Variants in FREM2 observed in about 807,000 individuals in gnomAD.
The protein encoded by FREM2 is FRAS1 related extracellular matrix 2, also known as FRAS1-related extracellular matrix protein 2.
A neutral mutation model predicts 219.9 loss-of-function variants in FREM2; 119 were observed. The ratio of observed to expected loss-of-function variants is 0.54; its 90% CI spans 0.47 to 0.63. The LOEUF is 0.63. Ranked by LOEUF, FREM2 falls within the 30% of genes least tolerant of loss-of-function variation. The pLI is 0.00. For synonymous variants in FREM2, 1,562 were observed against 1,522.8 expected (o/e 1.03, Z -0.60); for missense variants, 4,030 against 3,993.6 (o/e 1.01, Z -0.25).
intron 2 of FREM2, among the ~76,000 whole-genome samples, chr13:38,730,528 G>T (rs1871721985): frequency 1.3e-5 from 2 of 152,202 alleles, no homozygotes; most frequent in Admixed American, 1.3e-4. Context: ...AGGAAGGAAT[G>T]TTGGATTGCT....
chr13:38,764,368 A>G lies in FREM2; in HGVS notation c.5328A>G (p.Glu1776=), dbSNP rs768362891. The stretch of plus-strand genomic sequence containing the variant: ...GGGCATGGATCTCCTTTGAAAAGGA[A>G]TATTACCTGGTCAATGAGGACTCCA... The part of the protein sequence containing the change: ...LNWAWISFEK[E]YYLVNEDSKF... The change falls in exon 3 of 24, where the codon GAA becomes GAG. Residue 1776 remains glutamate, a synonymous_variant. Coordinates refer to ENST00000280481, the MANE Select transcript of FREM2 (RefSeq NM_207361.6). 86 of 1,606,900 alleles carry G rather than the reference A, an allele frequency of 5.4e-5. No individual in the cohort carries two copies. Among genetic ancestry groups the G allele is most frequent in the Non-Finnish European group, 7.2e-5 (84 of 1,173,662 alleles).
chr13:38,718,604 G>A (rs1164715494), intron 2 of FREM2, among the ~76,000 whole-genome samples: 6 of 152,174 alleles, frequency 3.9e-5, no homozygotes, highest in Non-Finnish European at 8.8e-5. Context: ...CGTTTCTGTA[G>A]TATTTACTAA....
intron 6 of FREM2, among the ~76,000 whole-genome samples, chr13:38,846,097 A>G (rs150831114): frequency 9.2e-5 from 14 of 152,210 alleles, no homozygotes; most frequent in African/African-American, 3.4e-4. Context: ...TAACACACTC[A>G]CATACATCGA....
chr13:38,775,019 A>T (rs1873815130), intron 4 of FREM2, among the ~76,000 whole-genome samples: 2 of 152,200 alleles, frequency 1.3e-5, no homozygotes, highest in Non-Finnish European at 2.9e-5. Flanking sequence ...AATGCCATAT[A>T]ATATTTAATA....
At chr13:38,794,929 A>G (rs1488076819) in intron 6 of FREM2, among the ~76,000 whole-genome samples, 2 of 152,206 alleles carry the variant, frequency 1.3e-5, no homozygotes, top group South Asian at 2.1e-4. Context: ...ACTTTATGAT[A>G]TAGGTATAAG....
chr13:38,799,039 G>A, intron 6 of FREM2, among the ~76,000 whole-genome samples: 1 of 151,716 alleles, frequency 6.6e-6, no homozygotes, highest in Non-Finnish European at 1.5e-5. Context: ...GTTTGTTCTT[G>A]CTTTTTGGTT....
rs893469873 is a variant in FREM2 at position 38,792,822 on chromosome 13, A to T, written c.6019+8014A>T. Among the ~76,000 whole-genome samples, 3 of 152,110 alleles carry T rather than the reference A, an allele frequency of 2.0e-5. No homozygotes were observed. The East Asian group carries it at 5.8e-4, about 29-fold the overall frequency. On this transcript the variant is annotated intron_variant, in intron 6 of 23. Transcript: ENST00000280481. Reference sequence around the variant, plus strand: ...ATTGCAGTACTGTAATGTGGGAGGCACTATAGCAAGGTTTTTAAGGATAAG... The same window carrying T: ...ATTGCAGTACTGTAATGTGGGAGGCTCTATAGCAAGGTTTTTAAGGATAAG...
intron 2 of FREM2, among the ~76,000 whole-genome samples, chr13:38,726,233 C>T (rs1330359071): frequency 1.3e-5 from 2 of 152,148 alleles, no homozygotes; most frequent in East Asian, 1.9e-4. Context: ...TCAGCAGGCT[C>T]CTGGGTATAG....
rs1268955678 is a variant in FREM2 at position 38,881,788 on chromosome 13, T to C, written c.*1001T>C. 1.3e-5 allele frequency: 2 copies of C among 152,424 alleles called. No homozygotes were observed. Among genetic ancestry groups the C allele is most frequent in the Non-Finnish European group, 2.9e-5 (2 of 68,044 alleles). 9.4% of individuals were successfully genotyped at this position (152,424 alleles called of 1,614,324 possible). On this transcript the variant is annotated 3_prime_UTR_variant, in exon 24 of 24. Coordinates refer to ENST00000280481, the MANE Select transcript of FREM2 (RefSeq NM_207361.6). ...ATCAGAGTGCCTCTTATACATACTTTATAGAATAAAGGAACATTTTGACAG... is the reference window on the plus strand; with the variant it reads ...ATCAGAGTGCCTCTTATACATACTTCATAGAATAAAGGAACATTTTGACAG...
intron 6 of FREM2, among the ~76,000 whole-genome samples, chr13:38,841,292 A>G (rs1465094603): frequency 6.6e-6 from 1 of 152,188 alleles, no homozygotes; most frequent in Non-Finnish European, 1.5e-5. Flanking sequence ...GTTGCCTGTC[A>G]AGATTTTTAA....
chr13:38,697,979 AG>A (rs1199305619), intron 2 of FREM2, among the ~76,000 whole-genome samples, 192 bp downstream of exon 2: 1 of 152,234 alleles, frequency 6.6e-6, no homozygotes, highest in African/African-American at 2.4e-5. Context: ...TATAGATAAA[AG>A]TTCTAGTTAT....
intron 2 of FREM2, among the ~76,000 whole-genome samples, chr13:38,745,667 T>C (rs1872450278): frequency 6.6e-6 from 1 of 152,198 alleles, no homozygotes; most frequent in African/African-American, 2.4e-5. Context: ...AGTTGGCTTT[T>C]ATTGTTTGTT....
At chr13:38,732,036 T>C (rs1200999005) in intron 2 of FREM2, among the ~76,000 whole-genome samples, 1 of 152,224 alleles carries the variant, frequency 6.6e-6, no homozygotes, top group Admixed American at 6.5e-5. Context: ...AGTTACTTTG[T>C]GTTCAGTTAA....
At chr13:38,769,967 G>T (rs1445160421) in intron 4 of FREM2, among the ~76,000 whole-genome samples, 159 bp downstream of exon 4, 1 of 151,008 alleles carries the variant, frequency 6.6e-6, no homozygotes, top group Middle Eastern at 3.2e-3. Flanking sequence ...GTGTTGACAG[G>T]AAAATGGAAA....
At chr13:38,714,432 A>C (rs1230546392) in intron 2 of FREM2, among the ~76,000 whole-genome samples, 2 of 152,208 alleles carry the variant, frequency 1.3e-5, no homozygotes, top group Non-Finnish European at 2.9e-5. Context: ...TTCCATTCAA[A>C]TGTATAAAAG....
intron 18 of FREM2, among the ~76,000 whole-genome samples, chr13:38,875,047 A>G (rs1266625522): frequency 6.6e-6 from 1 of 152,132 alleles, no homozygotes; most frequent in Non-Finnish European, 1.5e-5. Flanking sequence ...CATGTTAATT[A>G]TGTTTAATAA....
chr13:38,857,066 A>G (rs778006825), intron 12 of FREM2, among the ~76,000 whole-genome samples: 3 of 152,166 alleles, frequency 2.0e-5, no homozygotes, highest in Non-Finnish European at 2.9e-5. Flanking sequence ...AGTATGGGCA[A>G]TCTTTATCAA....
chr13:38,791,619 T>A (rs951076681), intron 6 of FREM2, among the ~76,000 whole-genome samples: 3 of 152,080 alleles, frequency 2.0e-5, no homozygotes, highest in Non-Finnish European at 4.4e-5. Flanking sequence ...GGGAAACCCC[T>A]TATAAAACCA....
At chr13:38,868,164 A>C in intron 16 of FREM2, among the ~76,000 whole-genome samples, 1 of 152,376 alleles carries the variant, frequency 6.6e-6, no homozygotes, top group Admixed American at 6.5e-5. Flanking sequence ...GTGAGGGAGA[A>C]GAAAATAAAA....
Sources: allele counts gnomAD v4.1 joint callset (sites outside exome capture counted in the v4.1 genomes callset), GRCh38; gene constraint gnomAD v4.1.1; transcripts MANE v1.5; gene names NCBI Gene and HGNC (gene_info 2026-07-23, HGNC 2026-07-21).